ACO1: variants seen among roughly 807,000 people sequenced by gnomAD.
The protein encoded by ACO1 is cytoplasmic aconitate hydratase.
ACO1 carries 78 observed loss-of-function variants against 105.1 expected under a neutral mutation model. That is an observed-to-expected ratio of 0.74 (90% CI 0.62 to 0.90). The LOEUF is 0.90. ACO1 is among the 40% of genes least tolerant of loss of function. The pLI, the probability that ACO1 is intolerant of heterozygous loss-of-function variation, is 0.00. For missense variants in ACO1, 965 were observed against 1,111.1 expected, an observed-to-expected ratio of 0.87 and a Z score of 1.87; for synonymous variants, 364 against 397.4, an observed-to-expected ratio of 0.92 and a Z score of 1.00.
intron 16 of ACO1, among the ~76,000 whole-genome samples, chr9:32,434,095 G>T (rs1281629544): frequency 6.6e-6 from 1 of 152,100 alleles, no homozygotes; most frequent in Non-Finnish European, 1.5e-5. Context: ...AGAGTCTGAG[G>T]GACTGTCCCA....
intron 4 of ACO1, among the ~76,000 whole-genome samples, chr9:32,409,414 A>G (rs569857529): frequency 6.6e-6 from 1 of 152,360 alleles, no homozygotes; most frequent in Admixed American, 6.5e-5. Context: ...GAATCTTGGT[A>G]AGCCTGAATA....
Position 32,408,723 on chromosome 9 carries a change from G to A in ACO1, c.404+72G>A, listed in dbSNP as rs190946964. On this transcript the variant is annotated intron_variant, in intron 4 of 20. Transcript: ENST00000309951. ...CTTTGAACACGAATCTTTTTAAAAT[G>A]TGTATATGTAGTTAAAGAAGAAAAT... 17 of 1,508,776 alleles carry A rather than the reference G, an allele frequency of 1.1e-5. No individual in the cohort carries two copies. The Admixed American group carries it at 2.0e-4, about 18-fold the overall frequency. 93.5% of individuals were successfully genotyped at this position (1,508,776 alleles called of 1,614,324 possible). A position where few individuals can be genotyped will look rare whatever the true frequency, so the allele number is the denominator to read the frequency against.
chr9:32,388,469 C>T (rs1409303419), intron 1 of ACO1, among the ~76,000 whole-genome samples: 1 of 151,908 alleles, frequency 6.6e-6, no homozygotes, highest in Non-Finnish European at 1.5e-5. Flanking sequence ...GTCCAGGCTG[C>T]AGTGAGCCAT....
chr9:32,430,017 A>C (rs1268212305), intron 13 of ACO1, among the ~76,000 whole-genome samples: 1 of 152,238 alleles, frequency 6.6e-6, no homozygotes, highest in Admixed American at 6.5e-5. Flanking sequence ...TTTATCCCCA[A>C]AATGCTGAAC....
intron 19 of ACO1, among the ~76,000 whole-genome samples, chr9:32,443,314 TA>T (rs1264301385): frequency 6.6e-6 from 1 of 152,170 alleles, no homozygotes; most frequent in Non-Finnish European, 1.5e-5. Context: ...CTAGAAGATG[TA>T]TGGCAAAATT....
At chr9:32,420,810 T>C (rs753060317) in intron 7 of ACO1, 46 bp from the exon 8 acceptor site, 5 of 1,590,626 alleles carry the variant, frequency 3.1e-6, no homozygotes, top group Middle Eastern at 2.0e-4. Flanking sequence ...GCATTTTGAA[T>C]GTGGGCCATC....
At chr9:32,388,039 G>C (rs1821189748) in intron 1 of ACO1, among the ~76,000 whole-genome samples, 1 of 152,190 alleles carries the variant, frequency 6.6e-6, no homozygotes, top group Non-Finnish European at 1.5e-5. Context: ...TTAAAGGAAG[G>C]CCAAGTGTGT....
chr9:32,440,409 C>T, intron 18 of ACO1, 56 bp from the exon 19 acceptor site: 2 of 1,609,126 alleles, frequency 1.2e-6, no homozygotes, highest in Non-Finnish European at 1.7e-6. Flanking sequence ...CTCAGGGGAC[C>T]TGTGTCCATT....
In ACO1 at chr9:32,421,008, C is replaced by T. The variant is rs750587886; in HGVS notation, c.951C>T (p.Ile317=). Residue 317 remains isoleucine (I), a synonymous_variant, in exon 8 of 21, where the codon ATC becomes ATT. Coordinates refer to ENST00000309951, the MANE Select transcript of ACO1 (RefSeq NM_002197.3). ...AAFFPVDEVS[I]TYLVQTGRDE... ...TTTTCCCAGTTGATGAAGTTAGTAT[C>T]ACGTACCTGGTGCAAACAGGTAAGT... 6.2e-7 allele frequency: 1 copy of T among 1,614,054 alleles called. No individual in the cohort carries two copies. The highest frequency in any genetic ancestry group is 1.1e-5 in the South Asian group (1 of 91,072).
chr9:32,387,563 A>G (rs562536116), intron 1 of ACO1, among the ~76,000 whole-genome samples: 1 of 152,314 alleles, frequency 6.6e-6, no homozygotes, highest in South Asian at 2.1e-4. Flanking sequence ...CTAGACAAAG[A>G]TCCTAGATAT....
chr9:32,409,929 A>G (rs1377288769), intron 4 of ACO1, among the ~76,000 whole-genome samples: 2 of 152,236 alleles, frequency 1.3e-5, no homozygotes, highest in South Asian at 2.1e-4. Flanking sequence ...CCTCTTAACA[A>G]ACTTTGAAAG....
rs547054131 is a variant in ACO1, at chr9:32,407,684, C to G, written c.266+255C>G. ...CTAATAGGAAGGGTCATTATCCTTGCTCTTAAAGATCCTAGTCCTGAGTAT... is the reference window on the plus strand; with the variant it reads ...CTAATAGGAAGGGTCATTATCCTTGGTCTTAAAGATCCTAGTCCTGAGTAT... On this transcript the variant is annotated intron_variant, in intron 3 of 20. Transcript: ENST00000309951. Among the ~76,000 whole-genome samples, 16 of 152,264 alleles carry G rather than the reference C, an allele frequency of 1.1e-4. No homozygotes were observed. In the South Asian group the frequency reaches 3.1e-3, roughly 30 times the overall value.
chr9:32,441,283 G>A (rs1274110881), intron 19 of ACO1, among the ~76,000 whole-genome samples: 6 of 152,122 alleles, frequency 3.9e-5, no homozygotes. Flanking sequence ...TTTGCCTCTT[G>A]AGCATTTGCT....
intron 1 of ACO1, among the ~76,000 whole-genome samples, chr9:32,392,059 G>T (rs538611835): frequency 6.6e-6 from 1 of 152,276 alleles, no homozygotes; most frequent in Non-Finnish European, 1.5e-5. Context: ...CCAAAATCAA[G>T]GATGTTTTAG....
chr9:32,442,130 C>A (rs1822494281), intron 19 of ACO1, among the ~76,000 whole-genome samples: 1 of 151,878 alleles, frequency 6.6e-6, no homozygotes, highest in South Asian at 2.1e-4. Context: ...GATCTCATCT[C>A]CAGAGATTCT....
At chr9:32,388,500 G>C (rs1173087202) in intron 1 of ACO1, among the ~76,000 whole-genome samples, 1 of 152,002 alleles carries the variant, frequency 6.6e-6, no homozygotes, top group East Asian at 1.9e-4. Flanking sequence ...CGGCACTCCA[G>C]CCTGGGCAAT....
At position 32,405,597 on chromosome 9, in the gene ACO1, A is replaced by T; in HGVS notation, c.91A>T (p.Arg31Ter). The change falls in exon 2 of 21, where the codon AGA becomes TGA. Residue 31 changes from arginine to a stop codon, truncating the protein, a stop_gained. Transcript: ENST00000309951. LOFTEE classifies it high-confidence loss of function. ...CAATTTGAATAAATTGGAGGATTCA[A>T]GATATGGTAGGTACATGGCTGTGAT... ...FFNLNKLEDSRYGRLPFSIRV... is the reference protein window; with the variant it reads ...FFNLNKLEDS 1 of 1,605,514 alleles carries T rather than the reference A, an allele frequency of 6.2e-7. No homozygotes were observed. Among genetic ancestry groups the T allele is most frequent in the East Asian group, 2.2e-5 (1 of 44,852 alleles).
rs113414249 is a variant in ACO1 at position 32,423,754 on chromosome 9, C to A, written c.1071+335C>A. On this transcript the variant is annotated intron_variant, in intron 9 of 20. Transcript: ENST00000309951. ...TACAATGGACTTTGGGGACTCAGGGCAAAGGGTGGGAGGGAGGTGAAGGAT... is the reference window on the plus strand; with the variant it reads ...TACAATGGACTTTGGGGACTCAGGGAAAAGGGTGGGAGGGAGGTGAAGGAT... Among the ~76,000 whole-genome samples the A allele has an allele frequency of 5.7e-3, 863 of 152,136 alleles. 10 individuals carry two copies. The highest frequency in any genetic ancestry group is 0.02 in the African/African-American group (817 of 41,516).
At chr9:32,413,380 C>T (rs765566109) in intron 4 of ACO1, among the ~76,000 whole-genome samples, 16 of 150,264 alleles carry the variant, frequency 1.1e-4, no homozygotes, top group Non-Finnish European at 2.2e-4. Flanking sequence ...GCTACTCAGG[C>T]GGCTGAGACA....
Sources: gnomAD v4.1 joint callset for allele counts (sites outside exome capture counted in the v4.1 genomes callset) on GRCh38, gnomAD v4.1.1 for gene constraint, MANE v1.5 for transcripts, NCBI Gene and HGNC (gene_info 2026-07-23, HGNC 2026-07-21) for gene names.